Variants in ZNF385D observed in about 807,000 individuals in gnomAD.
ZNF385D encodes zinc finger protein 659.
A neutral mutation model predicts 35.8 loss-of-function variants in ZNF385D; 15 were observed. The observed-to-expected ratio is 0.42, with a 90% CI of 0.28 to 0.64. ZNF385D has a LOEUF of 0.64. ZNF385D is among the 30% of genes least tolerant of loss of function. The pLI is 0.23. For synonymous variants in ZNF385D, 212 were observed against 186.8 expected (o/e 1.13, Z -1.10); for missense variants, 474 against 494.6 (o/e 0.96, Z 0.39).
intron 3 of ZNF385D, among the ~76,000 whole-genome samples, chr3:22,080,831 A>G (rs564813020): frequency 6.6e-6 from 1 of 152,194 alleles, no homozygotes; most frequent in East Asian, 1.9e-4. Flanking sequence ...AGAACTAGCT[A>G]GGCCCTTGCT....
intron 2 of ZNF385D, among the ~76,000 whole-genome samples, chr3:21,608,383 A>G (rs2064561606): frequency 6.6e-6 from 1 of 152,210 alleles, no homozygotes; most frequent in South Asian, 2.1e-4. Context: ...CTACTAAACC[A>G]TAAGCATTAA....
chr3:21,663,015 T>A (rs910600937), intron 2 of ZNF385D, among the ~76,000 whole-genome samples: 8 of 152,160 alleles, frequency 5.3e-5, no homozygotes, highest in Non-Finnish European at 1.0e-4. Flanking sequence ...ATGGGAGTTT[T>A]GTGACCCTTC....
At chr3:22,327,148 T>G (rs1194717871) in intron 2 of ZNF385D, among the ~76,000 whole-genome samples, 1 of 152,262 alleles carries the variant, frequency 6.6e-6, no homozygotes, top group East Asian at 1.9e-4. Context: ...GTTCTTTTTT[T>G]AATCTCACCC....
intron 3 of ZNF385D, among the ~76,000 whole-genome samples, chr3:22,130,630 C>G (rs1703727919): frequency 6.6e-6 from 1 of 152,142 alleles, no homozygotes; most frequent in Non-Finnish European, 1.5e-5. Flanking sequence ...ACTACATTTT[C>G]CTTCCCCCAA....
intron 2 of ZNF385D, among the ~76,000 whole-genome samples, chr3:22,199,420 G>C (rs1247713014): frequency 1.3e-5 from 2 of 152,088 alleles, no homozygotes; most frequent in Non-Finnish European, 1.5e-5. Context: ...TATCCAAAAA[G>C]GGAGTGTTTG....
At chr3:22,091,590 G>GAA (rs36109971) in intron 3 of ZNF385D, among the ~76,000 whole-genome samples, 21,813 of 150,420 alleles carry the variant, frequency 0.15, 1,764 homozygotes, top group African/African-American at 0.22. Flanking sequence ...TACCCAGTAG[G>GAA]AAAAAAAAAG....
intron 4 of ZNF385D, among the ~76,000 whole-genome samples, chr3:21,453,296 A>G (rs1702580662): frequency 6.6e-6 from 1 of 151,964 alleles, no homozygotes; most frequent in Non-Finnish European, 1.5e-5. Flanking sequence ...AATATTTGTG[A>G]CCTTGTATTA....
chr3:22,335,262 C>G (rs1695112467), intron 2 of ZNF385D, among the ~76,000 whole-genome samples: 1 of 152,146 alleles, frequency 6.6e-6, no homozygotes, highest in Admixed American at 6.5e-5. Context: ...ACACCATGAT[C>G]ATGATGGCTT....
chr3:21,495,178 G>A (rs1705734453), intron 4 of ZNF385D, among the ~76,000 whole-genome samples: 1 of 151,606 alleles, frequency 6.6e-6, no homozygotes, highest in Non-Finnish European at 1.5e-5. Context: ...ATAACCTCGA[G>A]TTCCATCAGT....
At chr3:22,095,310 T>C (rs571171774) in intron 3 of ZNF385D, among the ~76,000 whole-genome samples, 11 of 152,154 alleles carry the variant, frequency 7.2e-5, no homozygotes, top group East Asian at 5.8e-4. Context: ...GACCACTCTA[T>C]CTTTTTTAAA....
intron 2 of ZNF385D, among the ~76,000 whole-genome samples, chr3:22,330,332 A>T (rs558644631): frequency 6.6e-5 from 10 of 152,302 alleles, no homozygotes; most frequent in African/African-American, 2.4e-4. Context: ...TTCATGTACT[A>T]ACTGCTGAGG....
At chr3:22,341,840 C>T (rs1163895947) in intron 2 of ZNF385D, among the ~76,000 whole-genome samples, 2 of 152,136 alleles carry the variant, frequency 1.3e-5, no homozygotes, top group African/African-American at 4.8e-5. Context: ...AATACTATTT[C>T]TTGTAAATAA....
chr3:21,719,939 C>G (rs1353166741), intron 1 of ZNF385D, among the ~76,000 whole-genome samples: 1 of 152,154 alleles, frequency 6.6e-6, no homozygotes, highest in African/African-American at 2.4e-5. Flanking sequence ...GCTGTATGAC[C>G]TCAGATGATT....
chr3:22,063,132 T>C (rs1430248598), intron 3 of ZNF385D, among the ~76,000 whole-genome samples: 1 of 152,210 alleles, frequency 6.6e-6, no homozygotes, highest in East Asian at 1.9e-4. Context: ...AAGAAGACAT[T>C]CCTGAATCAG....
In ZNF385D at chr3:21,874,811, G is replaced by A. The variant is rs1697878801; in HGVS notation, c.326-209783C>T. Among the ~76,000 whole-genome samples, 3 of 152,156 alleles carry A rather than the reference G, an allele frequency of 2.0e-5. No homozygotes were observed. In the South Asian group the frequency reaches 6.2e-4, roughly 32 times the overall value. On this transcript the variant is annotated intron_variant, in intron 3 of 5. Transcript: ENST00000494108. The stretch of plus-strand genomic sequence containing the variant: ...TTTTAATTGAGATTGCACTGGATCT[G>A]CTTTGGGAAGTGTGGACATTTTAAC...
Position 21,420,909 on chromosome 3 carries a change from A to G in ZNF385D, c.*305T>C. On this transcript the variant is annotated 3_prime_UTR_variant, in exon 8 of 8. Transcript: ENST00000281523. ...CAGGACAGACAATGCAGAGGGAAATAGGTGCCCAAAAGCACAGTCACAGAG... is the reference window on the plus strand; with the variant it reads ...CAGGACAGACAATGCAGAGGGAAATGGGTGCCCAAAAGCACAGTCACAGAG... 3.4e-6 allele frequency: 1 copy of G among 290,466 alleles called. No individual in the cohort carries two copies. The highest frequency in any genetic ancestry group is 6.4e-5 in the East Asian group (1 of 15,690). 18.0% of individuals were successfully genotyped at this position (290,466 alleles called of 1,614,324 possible). A position where few individuals can be genotyped will look rare whatever the true frequency, so the allele number is the denominator to read the frequency against.
At chr3:21,608,264 C>T (rs1043052046) in intron 2 of ZNF385D, among the ~76,000 whole-genome samples, 35 of 152,130 alleles carry the variant, frequency 2.3e-4, no homozygotes, top group Admixed American at 2.2e-3. Context: ...CCACCTTGGC[C>T]TCCTAAAGTG....
chr3:22,217,134 GACCAA>G (rs1426125212), intron 2 of ZNF385D, among the ~76,000 whole-genome samples: 11 of 152,094 alleles, frequency 7.2e-5, no homozygotes, highest in African/African-American at 2.2e-4. Context: ...GAGAGGAAGA[GACCAA>G]TTAGAGTACT....
At chr3:22,297,594 G>GGGA (rs1368864887) in intron 2 of ZNF385D, among the ~76,000 whole-genome samples, 2 of 152,034 alleles carry the variant, frequency 1.3e-5, no homozygotes, top group African/African-American at 4.8e-5. Context: ...GGCAATATGG[G>GGGA]GGAATGAAAT....
Sources: gnomAD v4.1 joint callset for allele counts (sites outside exome capture counted in the v4.1 genomes callset) on GRCh38, gnomAD v4.1.1 for gene constraint, MANE v1.5 for transcripts, NCBI Gene and HGNC (gene_info 2026-07-23, HGNC 2026-07-21) for gene names.